Variants in DCDC1 observed in about 807,000 individuals in gnomAD.
DCDC1 encodes doublecortin domain-containing protein 1.
Under a neutral mutation model 178.3 loss-of-function variants are expected in DCDC1, and 200 were observed. The observed-to-expected ratio is 1.12, with a 90% CI of 1.00 to 1.26. The LOEUF is 1.26. Ranked by LOEUF, DCDC1 falls within the 50% of genes most tolerant of loss-of-function variation. The pLI is 0.00. For missense variants in DCDC1, 1,983 were observed against 1,749.2 expected, an observed-to-expected ratio of 1.13 and a Z score of -2.38; for synonymous variants, 690 against 604.8, an observed-to-expected ratio of 1.14 and a Z score of -2.07.
intron 9 of DCDC1, among the ~76,000 whole-genome samples, chr11:31,212,663 T>C (rs1366774528): frequency 6.6e-6 from 1 of 152,148 alleles, no homozygotes; most frequent in Non-Finnish European, 1.5e-5. Flanking sequence ...AAAATGACGA[T>C]GCAAGAAAAC....
chr11:31,022,632 T>C (rs1952947974), intron 20 of DCDC1, among the ~76,000 whole-genome samples: 1 of 147,292 alleles, frequency 6.8e-6, no homozygotes, highest in South Asian at 2.2e-4. Context: ...GTTTATCTAG[T>C]GTCTTTTAGT....
intron 9 of DCDC1, among the ~76,000 whole-genome samples, chr11:31,144,279 C>T (rs910649620): frequency 2.0e-5 from 3 of 151,902 alleles, no homozygotes; most frequent in South Asian, 2.1e-4. Context: ...GGACTACAGG[C>T]GCGTGCCACC....
intron 38 of DCDC1, among the ~76,000 whole-genome samples, chr11:30,875,600 C>A (rs903704035): frequency 1.3e-5 from 2 of 151,898 alleles, no homozygotes; most frequent in African/African-American, 4.8e-5. Context: ...TGGCACTCAG[C>A]ACACCTGGGC....
intron 11 of DCDC1, among the ~76,000 whole-genome samples, chr11:31,110,850 A>C (rs1183399831): frequency 6.6e-6 from 1 of 152,174 alleles, no homozygotes; most frequent in African/African-American, 2.4e-5. Context: ...CACTAAAAGG[A>C]AATTTAACCT....
At chr11:31,060,989 G>A (rs16921727) in intron 20 of DCDC1, among the ~76,000 whole-genome samples, 2,284 of 152,192 alleles carry the variant, frequency 0.015, 50 homozygotes, top group African/African-American at 0.051. Flanking sequence ...ATGTCAGTGC[G>A]ATCCCTGGCA....
intron 9 of DCDC1, among the ~76,000 whole-genome samples, chr11:31,140,197 C>T (rs972291219): frequency 6.6e-6 from 1 of 151,988 alleles, no homozygotes; most frequent in Non-Finnish European, 1.5e-5. Flanking sequence ...ATTTGCTGTT[C>T]TTATCTAAAA....
At chr11:31,136,196 A>G (rs1963113080) in intron 10 of DCDC1, among the ~76,000 whole-genome samples, 3 of 152,084 alleles carry the variant, frequency 2.0e-5, no homozygotes, top group Admixed American at 2.0e-4. Flanking sequence ...AAATTCTCCA[A>G]TTCTGGTAAA....
intron 7 of DCDC1, among the ~76,000 whole-genome samples, chr11:31,280,414 A>G (rs1946341669): frequency 6.6e-6 from 1 of 152,198 alleles, no homozygotes; most frequent in Non-Finnish European, 1.5e-5. Context: ...ATTATTAATG[A>G]AGTCTAATCA....
Position 30,925,346 on chromosome 11 carries a change from T to G in DCDC1, c.2960A>C (p.Glu987Ala). Residue 987 changes from glutamate (E) to alanine (A), a missense_variant, in exon 23 of 39, where the codon GAA becomes GCA. Physicochemically the swap from Glu to Ala is moderately radical, Grantham distance 107 (BLOSUM62 -1). Transcript: ENST00000684477. ...ARRLYNEKGKEIFALKDLQRD... is the reference protein window; with the variant it reads ...ARRLYNEKGKAIFALKDLQRD... The stretch of plus-strand genomic sequence containing the variant: ...TTGCAGGTCTTTTAAGGCAAATATT[T>G]CCTTCCCCTTTTCATTGTACAATCT... The G allele has an allele frequency of 6.2e-7, 1 of 1,613,842 alleles. No homozygotes were observed. Among genetic ancestry groups the G allele is most frequent in the Non-Finnish European group, 8.5e-7 (1 of 1,179,812 alleles).
intron 4 of DCDC1, among the ~76,000 whole-genome samples, chr11:31,306,940 T>A (rs577267364): frequency 6.6e-6 from 1 of 152,152 alleles, no homozygotes; most frequent in East Asian, 1.9e-4. Flanking sequence ...CGGTGAAGAT[T>A]TCTAAGTTTT....
chr11:31,024,936 T>C (rs1055956793), intron 20 of DCDC1, among the ~76,000 whole-genome samples: 1 of 151,952 alleles, frequency 6.6e-6, no homozygotes, highest in Admixed American at 6.6e-5. Context: ...ATGAATATCT[T>C]TGTCTGCATT....
At chr11:31,305,151 A>G (rs1395918572) in intron 6 of DCDC1, among the ~76,000 whole-genome samples, 3 of 152,158 alleles carry the variant, frequency 2.0e-5, no homozygotes, top group Non-Finnish European at 4.4e-5. Flanking sequence ...ATATGTATAT[A>G]AGAAATGTAT....
intron 7 of DCDC1, among the ~76,000 whole-genome samples, chr11:31,274,600 G>C (rs1472296283): frequency 1.3e-5 from 2 of 149,534 alleles, no homozygotes; most frequent in African/African-American, 4.9e-5. Context: ...CGAAAGGTCA[G>C]CATATGAAAG....
rs1957988396 is a variant in DCDC1 at position 31,094,097 on chromosome 11, C to T, written c.2071G>A (p.Ala691Thr). The T allele has an allele frequency of 1.3e-6, 1 of 766,096 alleles. No homozygotes were observed. The highest frequency in any genetic ancestry group is 1.3e-5 in the South Asian group (1 of 74,622). The allele number at this position is 766,096 out of a possible 1,614,324, so 47.5% of individuals were successfully genotyped here. The stretch of plus-strand genomic sequence containing the variant: ...GCTACAGGCCACAGGATCGATGGCG[C>T]TATTTGACTCCTGCTGCTTGCTTCA... Reference protein sequence around the residue: ...GSEASSRSQIAPSILWPVASV... With the variant: ...GSEASSRSQITPSILWPVASV... The change falls in exon 16 of 39, where the codon GCG becomes ACG. Residue 691 changes from alanine (A) to threonine (T), a missense_variant. Transcript: ENST00000684477.
chr11:31,298,960 T>C (rs1365966345), intron 6 of DCDC1, among the ~76,000 whole-genome samples: 1 of 152,236 alleles, frequency 6.6e-6, no homozygotes, highest in Non-Finnish European at 1.5e-5. Context: ...GTATAGATAA[T>C]GACATTAAAT....
chr11:31,126,070 G>A lies in DCDC1; in HGVS notation c.1485+1399C>T, dbSNP rs554905332. Among the ~76,000 whole-genome samples the A allele has an allele frequency of 3.9e-5, 6 of 152,182 alleles. No homozygotes were observed. The East Asian group carries it at 7.7e-4, about 20-fold the overall frequency. On this transcript the variant is annotated intron_variant, in intron 11 of 38. Transcript: ENST00000684477. Reference sequence around the variant, plus strand: ...CTTCAGAAATAAGCAGTGAACTTGAGGGAAAACAAAACACTTTTTTTCCCC... The same window carrying A: ...CTTCAGAAATAAGCAGTGAACTTGAAGGAAAACAAAACACTTTTTTTCCCC...
intron 18 of DCDC1, among the ~76,000 whole-genome samples, chr11:31,067,113 A>T (rs544334701): frequency 9.2e-5 from 14 of 152,336 alleles, no homozygotes; most frequent in East Asian, 1.9e-4. Flanking sequence ...CAAAATTTTT[A>T]AAAAATTGTG....
At chr11:31,171,985 T>C (rs1296216422) in intron 9 of DCDC1, among the ~76,000 whole-genome samples, 1 of 152,194 alleles carries the variant, frequency 6.6e-6, no homozygotes, top group Non-Finnish European at 1.5e-5. Flanking sequence ...AGAAATTCAT[T>C]TGGCATATTT....
At chr11:31,161,614 C>A (rs1362039557) in intron 9 of DCDC1, among the ~76,000 whole-genome samples, 1 of 152,116 alleles carries the variant, frequency 6.6e-6, no homozygotes, top group Non-Finnish European at 1.5e-5. Flanking sequence ...ATTCCAGCCC[C>A]ATAGAAACGG....
Sources: allele counts gnomAD v4.1 joint callset (sites outside exome capture counted in the v4.1 genomes callset), GRCh38; gene constraint gnomAD v4.1.1; transcripts MANE v1.5; gene names NCBI Gene and HGNC (gene_info 2026-07-23, HGNC 2026-07-21).